The following REPS1 variants were observed in gnomAD, a reference collection of about 807,000 sequenced individuals.
The protein encoded by REPS1 is ralBP1-associated Eps domain-containing protein 1.
REPS1 carries 39 observed loss-of-function variants against 100.9 expected under a neutral mutation model. That is an observed-to-expected ratio of 0.39 (90% CI 0.30 to 0.50). REPS1 has a LOEUF of 0.50. Among genes scored for constraint, REPS1 ranks in the 20% least tolerant of loss-of-function variants. The pLI, the probability that REPS1 is intolerant of heterozygous loss-of-function variation, is 0.86. For missense variants in REPS1, 821 were observed against 968.5 expected (o/e 0.85, Z 2.02); for synonymous variants, 324 against 340.3 (o/e 0.95, Z 0.53).
At chr6:138,907,454 C>G (rs751215804) in intron 19 of REPS1, 41 bp downstream of exon 19, 7 of 1,398,534 alleles carry the variant, frequency 5.0e-6, no homozygotes, top group Non-Finnish European at 7.1e-6. Context: ...GGTTTCTTTA[C>G]TAAGATAAGG....
rs991125248 is a variant in REPS1 at position 138,944,027 on chromosome 6, C to T, written c.754-12G>A. On this transcript the variant is annotated splice_polypyrimidine_tract_variant and intron_variant, in intron 5 of 19. Transcript: ENST00000450536. ...ACTGTTGTCTGGTCCTGTAATGAAACATTTTTTCCTCAGTACAATATCTAC... is the reference window on the plus strand; with the variant it reads ...ACTGTTGTCTGGTCCTGTAATGAAATATTTTTTCCTCAGTACAATATCTAC... 1 of 1,613,068 alleles carries T rather than the reference C, an allele frequency of 6.2e-7. No homozygotes were observed. The highest frequency in any genetic ancestry group is 1.3e-5 in the African/African-American group (1 of 75,020).
At chr6:138,947,114 G>A (rs1052127903) in intron 2 of REPS1, among the ~76,000 whole-genome samples, 14 of 145,114 alleles carry the variant, frequency 9.6e-5, no homozygotes, top group African/African-American at 2.8e-4. Flanking sequence ...TTCCATTTAC[G>A]TTCTGCCACG....
At chr6:138,924,773 G>T (rs1780992908) in intron 10 of REPS1, among the ~76,000 whole-genome samples, 1 of 152,146 alleles carries the variant, frequency 6.6e-6, no homozygotes, top group African/African-American at 2.4e-5. Context: ...TACAGAACTT[G>T]TCAATTCCTA....
chr6:138,918,578 A>T (rs1780558739), intron 12 of REPS1, among the ~76,000 whole-genome samples: 1 of 152,246 alleles, frequency 6.6e-6, no homozygotes, highest in Admixed American at 6.5e-5. Context: ...TTTATCTATT[A>T]CATTTCTACA....
chr6:138,937,500 T>C (rs1462367522), intron 8 of REPS1, among the ~76,000 whole-genome samples: 2 of 151,576 alleles, frequency 1.3e-5, no homozygotes, highest in Non-Finnish European at 2.9e-5. Flanking sequence ...AAAGTCTTCA[T>C]GTGCCTTCTC....
intron 1 of REPS1, among the ~76,000 whole-genome samples, chr6:138,958,537 C>A (rs538980695): frequency 6.6e-6 from 1 of 152,252 alleles, no homozygotes; most frequent in East Asian, 1.9e-4. Flanking sequence ...TGTTGCTCCC[C>A]TCCCTGTGTC....
chr6:138,947,184 G>A (rs1406711164), intron 2 of REPS1, among the ~76,000 whole-genome samples: 1 of 151,880 alleles, frequency 6.6e-6, no homozygotes, highest in Admixed American at 6.6e-5. Flanking sequence ...AACCTCTCTT[G>A]TTTATACATT....
intron 19 of REPS1, 25 bp from the exon 20 acceptor site, chr6:138,905,157 T>C (rs1485480395): frequency 7.0e-7 from 1 of 1,421,858 alleles, no homozygotes; most frequent in Non-Finnish European, 9.9e-7. Flanking sequence ...AAGGCCAAGT[T>C]ATGTTTCAAA....
At chr6:138,921,768 G>A (rs1386640589) in intron 10 of REPS1, among the ~76,000 whole-genome samples, 1 of 151,864 alleles carries the variant, frequency 6.6e-6, no homozygotes, top group Non-Finnish European at 1.5e-5. Flanking sequence ...AGTAGAGACA[G>A]GGTTTCGCTA....
intron 1 of REPS1, among the ~76,000 whole-genome samples, chr6:138,977,776 T>A (rs138059591): frequency 1.3e-5 from 2 of 152,366 alleles, no homozygotes; most frequent in East Asian, 3.9e-4. Context: ...AGAGTGGAAC[T>A]GCTGGTTGCT....
At position 138,938,540 on chromosome 6, in the gene REPS1, T is replaced by C. The variant is rs376754838; in HGVS notation, c.1135+2795A>G. On this transcript the variant is annotated intron_variant, in intron 8 of 19. Coordinates refer to ENST00000450536, the MANE Select transcript of REPS1 (RefSeq NM_001286611.2). ...CATGTAGAATTAATTCATCCAATATTAGTGCAGTGCCTGGCAAAGTTGTAT... is the reference window on the plus strand; with the variant it reads ...CATGTAGAATTAATTCATCCAATATCAGTGCAGTGCCTGGCAAAGTTGTAT... 5.9e-5 allele frequency among the ~76,000 whole-genome samples: 9 copies of C among 152,282 alleles called. No homozygotes were observed. The South Asian group carries it at 1.7e-3, about 28-fold the overall frequency.
intron 9 of REPS1, 27 bp downstream of exon 9, chr6:138,929,950 A>G: frequency 6.2e-7 from 1 of 1,609,852 alleles, no homozygotes; most frequent in South Asian, 1.1e-5. Context: ...TTAACTTTTA[A>G]TGAAAGAAAA....
At chr6:138,922,212 A>C (rs192013882) in intron 10 of REPS1, among the ~76,000 whole-genome samples, 391 of 152,314 alleles carry the variant, frequency 2.6e-3, no homozygotes, top group Non-Finnish European at 3.6e-3. Context: ...CCTATAAAAC[A>C]AAGTTAATGA....
rs546883441 is a variant in REPS1 at position 138,926,067 on chromosome 6, TAAAG to T, written c.1338+330_1338+333del. On this transcript the variant is annotated intron_variant, in intron 10 of 19. Transcript: ENST00000450536. ...GATGTGTAAGCATACAGATAATACA[TAAAG>T]AGTCACTACACTGAAATAAACAGTA... 3.7e-4 allele frequency among the ~76,000 whole-genome samples: 57 copies of T among 152,286 alleles called. No homozygotes were observed. In the East Asian group the frequency reaches 6.0e-3, roughly 16 times the overall value.
At chr6:138,952,403 T>C (rs908536612) in intron 1 of REPS1, among the ~76,000 whole-genome samples, 1 of 151,992 alleles carries the variant, frequency 6.6e-6, no homozygotes, top group Admixed American at 6.6e-5. Flanking sequence ...TTTTTTTCTT[T>C]TTTTTTTTCC....
chr6:138,965,162 T>C lies in REPS1; in HGVS notation c.154-17249A>G, dbSNP rs1048424194. Among the ~76,000 whole-genome samples, 5 of 152,278 alleles carry C rather than the reference T, an allele frequency of 3.3e-5. No homozygotes were observed. The South Asian group carries it at 1.0e-3, about 32-fold the overall frequency. ...AGTACATACAGGCCAATAAATATTT[T>C]ACTGCTCATAATCAGTCTCACTGTC... On this transcript the variant is annotated intron_variant, in intron 1 of 19. Transcript: ENST00000450536.
In REPS1 at chr6:138,908,533, G is replaced by C. The variant is rs527781196; in HGVS notation, c.2216+135C>G. The C allele has an allele frequency of 8.3e-5, 73 of 882,040 alleles. 1 individual carries two copies. Among genetic ancestry groups the C allele is most frequent in the South Asian group, 7.2e-4 (50 of 69,434 alleles). The allele number at this position is 882,040 out of a possible 1,614,324, so 54.6% of individuals were successfully genotyped here. On this transcript the variant is annotated intron_variant, in intron 18 of 19. Transcript: ENST00000450536. ...GCTGGTCTAACTCCTGACCACAAAT[G>C]ATCTGCCCAGCTCAGCCTCCCAAAA... is the stretch of plus-strand genomic sequence containing the variant.
intron 9 of REPS1, 75 bp downstream of exon 9, chr6:138,929,902 T>C (rs1354606562): frequency 8.9e-6 from 13 of 1,465,524 alleles, no homozygotes; most frequent in Non-Finnish European, 1.2e-5. Context: ...AGAGACAGAC[T>C]GAAATTGCCC....
At chr6:138,985,994 A>G (rs1171843227) in intron 1 of REPS1, among the ~76,000 whole-genome samples, 1 of 152,238 alleles carries the variant, frequency 6.6e-6, no homozygotes, top group Non-Finnish European at 1.5e-5. Context: ...GAGCAAAAAG[A>G]GTATGATTAA....
Sources: gnomAD v4.1 joint callset for allele counts (sites outside exome capture counted in the v4.1 genomes callset) on GRCh38, gnomAD v4.1.1 for gene constraint, MANE v1.5 for transcripts, NCBI Gene and HGNC (gene_info 2026-07-23, HGNC 2026-07-21) for gene names.